The following KPTN variants were observed in gnomAD, a reference collection of about 807,000 sequenced individuals.
The protein encoded by KPTN is kaptin, actin binding protein.
KPTN carries 36 observed loss-of-function variants against 52.6 expected under a neutral mutation model. The ratio of observed to expected loss-of-function variants is 0.68; its 90% confidence interval spans 0.52 to 0.90. KPTN has a LOEUF of 0.90. KPTN is among the 40% of genes least tolerant of loss of function. KPTN has a pLI of 0.00. For missense variants in KPTN, 529 were observed against 576.2 expected, an observed-to-expected ratio of 0.92 and a Z score of 0.84; for synonymous variants, 271 against 248.4, an observed-to-expected ratio of 1.09 and a Z score of -0.85.
intron 4 of KPTN, among the ~76,000 whole-genome samples, chr19:47,482,879 G>T (rs938956206): frequency 6.6e-6 from 1 of 152,032 alleles, no homozygotes; most frequent in African/African-American, 2.4e-5. Context: ...GCTAATTTTT[G>T]TATTTTTAGT....
At chr19:47,477,060 G>A (rs1036308384) in intron 9 of KPTN, 122 bp from the exon 10 acceptor site, 16 of 1,013,780 alleles carry the variant, frequency 1.6e-5, no homozygotes, top group East Asian at 7.9e-5. Flanking sequence ...CTGGTCCTCC[G>A]GAAGCCTAGA....
In KPTN at chr19:47,476,927, T is replaced by C; in HGVS notation, c.875A>G (p.Asn292Ser). The change falls in exon 10 of 12, where the codon AAC (asparagine) becomes AGC (serine). Residue 292 changes from asparagine to serine, a missense_variant. By Grantham distance (46) the Asn-to-Ser change is conservative. Transcript: ENST00000338134. ...GAGAAGCTGGTCTTCAAGACCCCGG[T>C]TCAGCAGGTCCCTGAGGGTCCCAAA... ...EPAVVYRDLL[N>S]RGLEDQLLLP... The C allele has an allele frequency of 6.4e-7, 1 of 1,556,886 alleles. No individual in the cohort carries two copies. The highest frequency in any genetic ancestry group is 8.7e-7 in the Non-Finnish European group (1 of 1,149,806).
intron 6 of KPTN, 129 bp from the exon 7 acceptor site, chr19:47,480,536 C>T: frequency 1.3e-6 from 1 of 754,682 alleles, no homozygotes; most frequent in Non-Finnish European, 2.1e-6. Flanking sequence ...CCTGGATAAT[C>T]CCCACCGCCC....
Position 47,482,495 on chromosome 19 carries a change from AG to A in KPTN, c.449+665del, listed in dbSNP as rs68157767. Among the ~76,000 whole-genome samples the A allele has an allele frequency of 5.3e-3, 770 of 144,966 alleles. 49 individuals carry two copies. Among genetic ancestry groups the A allele is most frequent in the African/African-American group, 0.012 (490 of 40,402 alleles). On this transcript the variant is annotated intron_variant, in intron 4 of 11. Coordinates refer to ENST00000338134, the MANE Select transcript of KPTN (RefSeq NM_007059.4). The stretch of plus-strand genomic sequence containing the variant: ...GCATCTATCTCAAAAAAAAAAAAAA[AG>A]AAAGAAAAAAAAAGTGCAATGCTTT...
upstream of KPTN, chr19:47,484,564 AG>A (rs1204263129): frequency 5.0e-6 from 1 of 198,126 alleles, no homozygotes; most frequent in Non-Finnish European, 1.0e-5. Context: ...AAAATTCGCA[AG>A]GGGGTGGAGG....
At position 47,476,600 on chromosome 19, in the gene KPTN, C is replaced by G; in HGVS notation, c.1114G>C (p.Val372Leu). The change falls in exon 11 of 12, where the codon GTG becomes CTG. Residue 372 changes from valine to leucine, a missense_variant. Physicochemically the swap from Val to Leu is conservative, Grantham distance 32. Transcript: ENST00000338134. ...FSSPLLAMAH[V>L]DLTGDGLQEL... ...TGCAGCCCATCCCCGGTCAGGTCCA[C>G]GTGAGCCATGGCCAGCAGGGGACTG... 1 of 1,612,500 alleles carries G rather than the reference C, an allele frequency of 6.2e-7. No homozygotes were observed. The highest frequency in any genetic ancestry group is 8.5e-7 in the Non-Finnish European group (1 of 1,179,772).
At chr19:47,484,304 C>A, upstream of KPTN, 1 of 1,104,760 alleles carries the variant, frequency 9.1e-7, no homozygotes, top group Non-Finnish European at 1.2e-6. Flanking sequence ...TGCCCTCTCC[C>A]AAGATGGCGG....
chr19:47,477,687 G>T lies in KPTN; in HGVS notation c.863+19C>A. The T allele has an allele frequency of 1.9e-6, 3 of 1,596,102 alleles. No homozygotes were observed. The highest frequency in any genetic ancestry group is 2.6e-6 in the Non-Finnish European group (3 of 1,163,774). ...AGAAAGAAGGTTAGACCACACCCAT[G>T]TGTCTCAGGCCCCCTCACCGATACA... is the stretch of plus-strand genomic sequence containing the variant. On this transcript the variant is annotated intron_variant, in intron 9 of 11. Transcript: ENST00000338134.
Position 47,479,856 on chromosome 19 carries a change from A to G in KPTN, c.787+7T>C. The G allele has an allele frequency of 6.2e-7, 1 of 1,611,232 alleles. No homozygotes were observed. The highest frequency in any genetic ancestry group is 1.1e-5 in the South Asian group (1 of 90,864). ...TCTCTCCCCATCCCCTCAAACCCAGAGCTCACCCTTGGCGGCCGAGAGGCT... is the reference window on the plus strand; with the variant it reads ...TCTCTCCCCATCCCCTCAAACCCAGGGCTCACCCTTGGCGGCCGAGAGGCT... On this transcript the variant is annotated splice_region_variant and intron_variant, in intron 8 of 11. Coordinates refer to ENST00000338134, the MANE Select transcript of KPTN (RefSeq NM_007059.4).
intron 5 of KPTN, 62 bp from the exon 6 acceptor site, chr19:47,480,895 C>T (rs1052590826): frequency 5.0e-6 from 8 of 1,610,560 alleles, no homozygotes; most frequent in African/African-American, 1.3e-5. Context: ...ACACATATAC[C>T]CACCCAGCGC....
chr19:47,475,508 G>C lies in KPTN; in HGVS notation c.1219C>G (p.Arg407Gly), dbSNP rs750303928. The C allele has an allele frequency of 9.3e-6, 15 of 1,613,310 alleles. No individual in the cohort carries two copies. The highest frequency in any genetic ancestry group is 1.7e-5 in the Admixed American group (1 of 59,978). The change falls in exon 12 of 12, where the codon CGG becomes GGG. Residue 407 changes from arginine (R) to glycine (G), a missense_variant. By Grantham distance (125) the Arg-to-Gly change is moderately radical. Transcript: ENST00000338134. ...CTCTGCTCCACTTGATGTCGAAGCC[G>C]GGTCAAGACCAGCTCTGAGGCCTGA... ...LIQASELVLT[R>G]LRHQVEQRRR... is the part of the protein sequence containing the mutation.
intron 8 of KPTN, among the ~76,000 whole-genome samples, chr19:47,479,148 T>C (rs1432512786): frequency 6.6e-6 from 1 of 152,208 alleles, no homozygotes; most frequent in East Asian, 1.9e-4. Context: ...GTTCAATCGA[T>C]TCTCCTGCCT....
chr19:47,484,017 G>A lies in KPTN; in HGVS notation c.144C>T (p.Gly48=), dbSNP rs753053684. The part of the protein sequence containing the change: ...RGELLAATLK[G]KVLGFRYQDL... The stretch of plus-strand genomic sequence containing the variant: ...CTTGGTAGCGGAAGCCGAGCACCTT[G>A]CCTTTAAGGGTGGCGGCCAGCAGCT... The change falls in exon 1 of 12, where the codon GGC becomes GGT. Residue 48 remains glycine (G), a synonymous_variant. Transcript: ENST00000338134. 5 of 1,612,864 alleles carry A rather than the reference G, an allele frequency of 3.1e-6. No individual in the cohort carries two copies. Among genetic ancestry groups the A allele is most frequent in the African/African-American group, 1.3e-5 (1 of 74,910 alleles).
chr19:47,481,128 C>G, intron 4 of KPTN, 95 bp from the exon 5 acceptor site: 1 of 974,680 alleles, frequency 1.0e-6, no homozygotes, highest in South Asian at 1.4e-5. Context: ...CTGTTGAGAA[C>G]CTTAACATTC....
At position 47,476,861 on chromosome 19, in the gene KPTN, A is replaced by G; in HGVS notation, c.941T>C (p.Leu314Pro). The G allele has an allele frequency of 6.4e-7, 1 of 1,572,508 alleles. No homozygotes were observed. Among genetic ancestry groups the G allele is most frequent in the Non-Finnish European group, 8.6e-7 (1 of 1,158,392 alleles). The change falls in exon 10 of 12, where the codon CTG becomes CCG. Residue 314 changes from leucine to proline, a missense_variant. Transcript: ENST00000338134. ...SDQFDSVLCS[L>P]VTDVDLDGRP... ...CCCATCCAAATCCACATCGGTGACC[A>G]GGCTGCAGAGGACGCTGTCAAACTG...
In KPTN at chr19:47,480,366, C is replaced by A; in HGVS notation, c.641G>T (p.Arg214Leu). The stretch of plus-strand genomic sequence containing the variant: ...CTGACAGCCCAGAGCTGAGAGGCGC[C>A]GGGACGTGCCGGGGAAGTTGTGGAC... Reference protein sequence around the residue: ...LDVHNFPGTSRRLSALGCQSG... With the variant: ...LDVHNFPGTSLRLSALGCQSG... The change falls in exon 7 of 12, where the codon CGG becomes CTG. Residue 214 changes from arginine (R) to leucine (L), a missense_variant. By Grantham distance (102) the Arg-to-Leu change is moderately radical. Transcript: ENST00000338134. The A allele has an allele frequency of 6.5e-7, 1 of 1,549,472 alleles. No homozygotes were observed. Among genetic ancestry groups the A allele is most frequent in the Non-Finnish European group, 8.7e-7 (1 of 1,146,412 alleles).
rs377031102 is a variant in KPTN, at chr19:47,480,972, G to A, written c.511C>T (p.His171Tyr). 6.2e-7 allele frequency: 1 copy of A among 1,605,832 alleles called. No individual in the cohort carries two copies. The highest frequency in any genetic ancestry group is 1.3e-5 in the African/African-American group (1 of 74,706). Residue 171 changes from histidine to tyrosine, a missense_variant, in exon 5 of 12, where the codon CAT becomes TAT. Coordinates refer to ENST00000338134, the MANE Select transcript of KPTN (RefSeq NM_007059.4). ...FLLSGNDPAIHLYKENEGLHQ... is the reference protein window; with the variant it reads ...FLLSGNDPAIYLYKENEGLHQ... ...CCCCACCTCACCTCCTTGTAGAGAT[G>A]AATGGCCGGGTCGTTCCCACTCAAG...
upstream of KPTN, chr19:47,484,415 G>A (rs1968010317): frequency 1.8e-6 from 1 of 554,274 alleles, no homozygotes; most frequent in Non-Finnish European, 3.2e-6. Context: ...TAAGGAGTCT[G>A]TGACTAGAGA....
At position 47,477,822 on chromosome 19, in the gene KPTN, G is replaced by A. The variant is rs747202376; in HGVS notation, c.788-41C>T. Reference sequence around the variant, plus strand: ...GAATGGTAATCCCAGCACTTTGGGAGGCCAAGGCGGGTGGATCAGCTGAGG... The same window carrying A: ...GAATGGTAATCCCAGCACTTTGGGAAGCCAAGGCGGGTGGATCAGCTGAGG... On this transcript the variant is annotated intron_variant, in intron 8 of 11. Transcript: ENST00000338134. The A allele has an allele frequency of 7.5e-6, 11 of 1,460,590 alleles. No individual in the cohort carries two copies. The East Asian group carries it at 1.4e-4, about 18-fold the overall frequency. The allele number at this position is 1,460,590 out of a possible 1,614,324, so 90.5% of individuals were successfully genotyped here. A position where few individuals can be genotyped will look rare whatever the true frequency, so the allele number is the denominator to read the frequency against.
Sources: allele counts gnomAD v4.1 joint callset (sites outside exome capture counted in the v4.1 genomes callset), GRCh38; gene constraint gnomAD v4.1.1; transcripts MANE v1.5; gene names NCBI Gene and HGNC (gene_info 2026-07-23, HGNC 2026-07-21).